The following SLC9A9 variants were observed in gnomAD, a reference collection of about 807,000 sequenced individuals.
The protein encoded by SLC9A9 is solute carrier family 9 member A9, also known as sodium/hydrogen exchanger 9.
SLC9A9 carries 62 observed loss-of-function variants against 77.8 expected under a neutral mutation model. The ratio of observed to expected loss-of-function variants is 0.80; its 90% confidence interval spans 0.65 to 0.98. The LOEUF is 0.98. SLC9A9 is among the 50% of genes least tolerant of loss of function. SLC9A9 has a pLI of 0.00. For missense variants in SLC9A9, 775 were observed against 774.9 expected (o/e 1.00, Z 0.00); for synonymous variants, 320 against 283.5 (o/e 1.13, Z -1.29).
At chr3:143,337,426 A>G (rs898317077) in intron 14 of SLC9A9, among the ~76,000 whole-genome samples, 18 of 152,338 alleles carry the variant, frequency 1.2e-4, no homozygotes, top group African/African-American at 4.1e-4. Context: ...AGAGTTAAGG[A>G]TAACTCCTTC....
chr3:143,310,373 G>C (rs1012662005), intron 14 of SLC9A9, among the ~76,000 whole-genome samples: 1 of 152,092 alleles, frequency 6.6e-6, no homozygotes, highest in Non-Finnish European at 1.5e-5. Flanking sequence ...TCTCCATAAG[G>C]CTGGGTAATA....
At chr3:143,499,040 G>A (rs552987863) in intron 9 of SLC9A9, among the ~76,000 whole-genome samples, 2 of 152,192 alleles carry the variant, frequency 1.3e-5, no homozygotes, top group Non-Finnish European at 2.9e-5. Context: ...ATAGTGCCAT[G>A]CAGTTTCCCA....
At chr3:143,526,429 C>T (rs1394162053) in intron 9 of SLC9A9, among the ~76,000 whole-genome samples, 7 of 152,154 alleles carry the variant, frequency 4.6e-5, no homozygotes, top group Non-Finnish European at 1.0e-4. Flanking sequence ...CCAGCAATTC[C>T]AGCTATTTTT....
intron 14 of SLC9A9, among the ~76,000 whole-genome samples, chr3:143,309,231 G>A (rs2030927678): frequency 6.6e-6 from 1 of 152,106 alleles, no homozygotes; most frequent in Non-Finnish European, 1.5e-5. Context: ...ACAGTCTGAG[G>A]CTTGGGAAGG....
intron 6 of SLC9A9, among the ~76,000 whole-genome samples, chr3:143,645,434 T>C (rs1183374167): frequency 1.3e-5 from 2 of 152,214 alleles, no homozygotes; most frequent in Admixed American, 6.5e-5. Flanking sequence ...TGAGGAGTTA[T>C]TGAGGGCCGA....
intron 9 of SLC9A9, among the ~76,000 whole-genome samples, chr3:143,521,661 C>A (rs1251167248): frequency 1.3e-5 from 2 of 151,732 alleles, no homozygotes; most frequent in Admixed American, 6.6e-5. Flanking sequence ...CTTATGTCTC[C>A]TCTGTGTAGA....
chr3:143,413,551 A>G lies in SLC9A9; in HGVS notation c.1470-31437T>C, dbSNP rs561383421. Reference sequence around the variant, plus strand: ...GGAGAAGGGGAGGCAGCTGGCGGAAAGAGGAACCACAACTTTAAATAACTC... The same window carrying G: ...GGAGAAGGGGAGGCAGCTGGCGGAAGGAGGAACCACAACTTTAAATAACTC... On this transcript the variant is annotated intron_variant, in intron 12 of 15. Transcript: ENST00000316549. Among the ~76,000 whole-genome samples, 10 of 152,268 alleles carry G rather than the reference A, an allele frequency of 6.6e-5. No homozygotes were observed. The East Asian group carries it at 1.7e-3, about 26-fold the overall frequency.
At chr3:143,746,608 T>C (rs1426590648) in intron 4 of SLC9A9, among the ~76,000 whole-genome samples, 1 of 152,184 alleles carries the variant, frequency 6.6e-6, no homozygotes, top group Non-Finnish European at 1.5e-5. Context: ...ATTCAAGACT[T>C]CTATCTCACA....
At chr3:143,734,322 C>T (rs1327156538) in intron 4 of SLC9A9, among the ~76,000 whole-genome samples, 2 of 152,084 alleles carry the variant, frequency 1.3e-5, no homozygotes, top group Non-Finnish European at 2.9e-5. Flanking sequence ...GGCTTATACA[C>T]CCAAGTTTGT....
intron 9 of SLC9A9, among the ~76,000 whole-genome samples, chr3:143,526,161 GA>G (rs1231263468): frequency 5.3e-5 from 8 of 152,184 alleles, no homozygotes; most frequent in Non-Finnish European, 1.0e-4. Flanking sequence ...ATCCACAGGG[GA>G]AGCTAAACCC....
chr3:143,804,833 G>T (rs887321838), intron 2 of SLC9A9, among the ~76,000 whole-genome samples: 18 of 152,262 alleles, frequency 1.2e-4, no homozygotes, highest in Admixed American at 1.1e-3. Flanking sequence ...ACCTTCCGTA[G>T]CCTGTCTAAT....
chr3:143,621,361 C>T (rs955788908), intron 6 of SLC9A9, among the ~76,000 whole-genome samples: 1 of 152,158 alleles, frequency 6.6e-6, no homozygotes, highest in Non-Finnish European at 1.5e-5. Flanking sequence ...TGGGAGGCAC[C>T]CCCCAGTAGG....
At chr3:143,450,050 C>CCA (rs2034972772) in intron 12 of SLC9A9, among the ~76,000 whole-genome samples, 1 of 88,708 alleles carries the variant, frequency 1.1e-5, no homozygotes, top group African/African-American at 4.2e-5. Context: ...TGTATATATA[C>CCA]ACACATATAT....
chr3:143,539,923 A>C (rs2036658067), intron 9 of SLC9A9, among the ~76,000 whole-genome samples: 1 of 152,058 alleles, frequency 6.6e-6, no homozygotes, highest in Non-Finnish European at 1.5e-5. Context: ...CTATCTTTTT[A>C]AGGAGTTGGG....
chr3:143,786,137 G>C (rs1208892772), intron 4 of SLC9A9, among the ~76,000 whole-genome samples: 1 of 152,066 alleles, frequency 6.6e-6, no homozygotes, highest in Admixed American at 6.5e-5. Context: ...TTACAGGCGT[G>C]AGCCACCGCG....
chr3:143,798,812 C>G (rs1231326927), intron 2 of SLC9A9, among the ~76,000 whole-genome samples: 1 of 152,106 alleles, frequency 6.6e-6, no homozygotes, highest in Non-Finnish European at 1.5e-5. Flanking sequence ...CAACTTGTCC[C>G]AAATCTTGCT....
chr3:143,451,261 C>A (rs1236689975), intron 12 of SLC9A9, among the ~76,000 whole-genome samples: 1 of 152,124 alleles, frequency 6.6e-6, no homozygotes, highest in African/African-American at 2.4e-5. Flanking sequence ...ATGAAATCTG[C>A]ATTAAAGCAT....
intron 4 of SLC9A9, among the ~76,000 whole-genome samples, chr3:143,769,680 A>T (rs1215303292): frequency 6.6e-6 from 1 of 152,234 alleles, no homozygotes; most frequent in African/African-American, 2.4e-5. Context: ...TATAGCAGCA[A>T]GTTATGCCCA....
chr3:143,616,329 C>G (rs116272689), intron 6 of SLC9A9, among the ~76,000 whole-genome samples: 2,079 of 152,200 alleles, frequency 0.014, 42 homozygotes, highest in African/African-American at 0.047. Flanking sequence ...TGGGAGACTA[C>G]TAGAAGTACA....
Sources: gnomAD v4.1 joint callset for allele counts (sites outside exome capture counted in the v4.1 genomes callset) on GRCh38, gnomAD v4.1.1 for gene constraint, MANE v1.5 for transcripts, NCBI Gene and HGNC (gene_info 2026-07-23, HGNC 2026-07-21) for gene names.